The following COL5A2 variants were observed in gnomAD, a reference collection of about 807,000 sequenced individuals.
The protein encoded by COL5A2 is collagen alpha-2(V) chain.
In COL5A2, 23 loss-of-function variants were observed where a neutral mutation model predicts 208.2. The observed-to-expected ratio is 0.11, with a 90% CI of 0.08 to 0.16. COL5A2 has a LOEUF of 0.16. COL5A2 is among the 10% of genes least tolerant of loss of function. The probability of loss-of-function intolerance (pLI) is 1.00; values close to 1 mark genes in which losing one functional copy is unlikely to be tolerated. For missense variants in COL5A2, 1,590 were observed against 1,956.4 expected, an observed-to-expected ratio of 0.81 and a Z score of 3.53; for synonymous variants, 625 against 628.5, an observed-to-expected ratio of 0.99 and a Z score of 0.08.
intron 31 of COL5A2, among the ~76,000 whole-genome samples, chr2:189,059,402 AAGTT>A (rs1418732950): frequency 5.9e-5 from 9 of 151,932 alleles, no homozygotes; most frequent in African/African-American, 2.2e-4. Flanking sequence ...TCTAAATTAA[AAGTT>A]TGTTTGTTCT....
At chr2:189,171,502 C>T (rs6706066) in intron 1 of COL5A2, among the ~76,000 whole-genome samples, 150,865 of 152,308 alleles carry the variant, frequency 0.99, 74,733 homozygotes, top group Middle Eastern at 1. Context: ...ACTTGAGAAA[C>T]ATTTAGCAGG....
chr2:189,212,250 G>A (rs553643217), intron 1 of COL5A2, among the ~76,000 whole-genome samples: 65 of 152,214 alleles, frequency 4.3e-4, no homozygotes, highest in African/African-American at 1.5e-3. Flanking sequence ...AGATGCTACC[G>A]AGCTTACTGG....
In COL5A2 at chr2:189,079,093, G is replaced by A. The variant is rs144344474; in HGVS notation, c.975C>T (p.Pro325=). 1.6e-3 allele frequency: 2,598 copies of A among 1,612,866 alleles called. 28 individuals are homozygous for A. In the African/African-American group the frequency reaches 0.025, roughly 16 times the overall value. Residue 325 remains proline, a synonymous_variant, in exon 15 of 54, where the codon CCC becomes CCT. Transcript: ENST00000374866. ...GACCCATGGCACCCATTGGACCAGT[G>A]GGGCCAGCTTCACCCTAAAAAAAAA... ...GAPGSKGEAG[P]TGPMGAMGPL... is the part of the protein sequence containing the mutation.
intron 5 of COL5A2, chr2:189,097,744 G>C (rs773067154): frequency 5.9e-5 from 27 of 454,548 alleles, no homozygotes; most frequent in Admixed American, 9.5e-5. Flanking sequence ...AATTATTCCA[G>C]GGACTGTATG....
At chr2:189,412,438 T>C in the COL5A2 span, among the ~76,000 whole-genome samples, 1 of 152,224 alleles carries the variant, frequency 6.6e-6, no homozygotes, top group African/African-American at 2.4e-5. Flanking sequence ...CTAAGTTTAT[T>C]TATTAGACAT....
the COL5A2 span, among the ~76,000 whole-genome samples, chr2:189,368,647 G>A: frequency 6.6e-6 from 1 of 152,146 alleles, no homozygotes; most frequent in African/African-American, 2.4e-5. Context: ...ATTAGATAAA[G>A]TTAACTGTAG....
At chr2:189,336,761 A>G in the COL5A2 span, among the ~76,000 whole-genome samples, 1 of 152,194 alleles carries the variant, frequency 6.6e-6, no homozygotes, top group African/African-American at 2.4e-5. Flanking sequence ...ACTGTTATGT[A>G]TTGGTTTGAG....
chr2:189,094,454 A>G (rs1686856797), intron 6 of COL5A2, among the ~76,000 whole-genome samples: 1 of 151,500 alleles, frequency 6.6e-6, no homozygotes, highest in Non-Finnish European at 1.5e-5. Flanking sequence ...CTCCGCAGTA[A>G]TCTACAATAA....
the COL5A2 span, among the ~76,000 whole-genome samples, chr2:189,378,646 C>G: frequency 6.6e-6 from 1 of 151,790 alleles, no homozygotes; most frequent in Admixed American, 6.6e-5. Context: ...ATGGCGTGAA[C>G]CCAGGAGGCG....
At chr2:189,319,502 C>A in the COL5A2 span, among the ~76,000 whole-genome samples, 1 of 151,932 alleles carries the variant, frequency 6.6e-6, no homozygotes, top group Non-Finnish European at 1.5e-5. Context: ...TAGCAAACAG[C>A]ACACCAGGAG....
intron 18 of COL5A2, among the ~76,000 whole-genome samples, chr2:189,071,557 T>C (rs1238137957): frequency 6.6e-6 from 1 of 152,184 alleles, no homozygotes; most frequent in Non-Finnish European, 1.5e-5. Context: ...AATGGCTTCA[T>C]AGAATTGGAT....
the COL5A2 span, among the ~76,000 whole-genome samples, chr2:189,313,089 G>A: frequency 6.6e-6 from 1 of 151,970 alleles, no homozygotes; most frequent in Admixed American, 6.6e-5. Context: ...TAGCGTAATA[G>A]ATCAAGCAGA....
Position 189,178,781 on chromosome 2 carries a change from A to G in COL5A2, c.97+727T>C, listed in dbSNP as rs141369829. Among the ~76,000 whole-genome samples the G allele has an allele frequency of 7.3e-3, 1,104 of 151,116 alleles. 19 individuals carry two copies. The highest frequency in any genetic ancestry group is 0.024 in the African/African-American group (975 of 41,170). ...GCAAATATTCCATGCCAAATAAGAT[A>G]TATACAAGACATGCTGATTTCCTGC... is the stretch of plus-strand genomic sequence containing the variant. On this transcript the variant is annotated intron_variant, in intron 1 of 53. Coordinates refer to ENST00000374866, the MANE Select transcript of COL5A2 (RefSeq NM_000393.5).
At chr2:189,371,309 T>C in the COL5A2 span, among the ~76,000 whole-genome samples, 1 of 152,264 alleles carries the variant, frequency 6.6e-6, no homozygotes, top group African/African-American at 2.4e-5. Flanking sequence ...CTGACTAACA[T>C]GGAAAATTTC....
At chr2:189,303,763 T>C in the COL5A2 span, among the ~76,000 whole-genome samples, 1 of 152,232 alleles carries the variant, frequency 6.6e-6, no homozygotes, top group African/African-American at 2.4e-5. Flanking sequence ...CGCGGAGCTG[T>C]AACCAATGTC....
At chr2:189,080,665 A>G (rs1307307729) in intron 13 of COL5A2, among the ~76,000 whole-genome samples, 1 of 152,126 alleles carries the variant, frequency 6.6e-6, no homozygotes, top group Non-Finnish European at 1.5e-5. Context: ...TACACTATAC[A>G]GGAATTGCCT....
At chr2:189,047,718 G>T (rs1242015114) in intron 45 of COL5A2, among the ~76,000 whole-genome samples, 1 of 152,170 alleles carries the variant, frequency 6.6e-6, no homozygotes, top group Non-Finnish European at 1.5e-5. Flanking sequence ...CTGTGCAACT[G>T]CCAGAAGGGA....
intron 1 of COL5A2, among the ~76,000 whole-genome samples, chr2:189,161,455 T>A (rs1278739188): frequency 6.6e-6 from 1 of 152,156 alleles, no homozygotes; most frequent in Non-Finnish European, 1.5e-5. Flanking sequence ...TTAATTACAG[T>A]GCTTTGATGT....
the COL5A2 span, among the ~76,000 whole-genome samples, chr2:189,404,896 T>A: frequency 6.6e-6 from 1 of 152,210 alleles, no homozygotes; most frequent in African/African-American, 2.4e-5. Flanking sequence ...GATGTGTTTA[T>A]CCACTCTCCT....
Sources: allele counts gnomAD v4.1 joint callset (sites outside exome capture counted in the v4.1 genomes callset), GRCh38; gene constraint gnomAD v4.1.1; transcripts MANE v1.5; gene names NCBI Gene and HGNC (gene_info 2026-07-23, HGNC 2026-07-21).